Variants in SH3BP5L observed in about 807,000 individuals in gnomAD.
SH3BP5L encodes SH3 binding domain protein 5 like, also known as SH3 domain-binding protein 5-like.
In SH3BP5L, 16 loss-of-function variants were observed where a neutral mutation model predicts 40.9. The observed-to-expected ratio is 0.39, with a 90% confidence interval of 0.27 to 0.59. SH3BP5L has a LOEUF of 0.59. Among genes scored for constraint, SH3BP5L ranks in the 20% least tolerant of loss-of-function variants. The probability of loss-of-function intolerance (pLI) is 0.53; values close to 1 mark genes in which losing one functional copy is unlikely to be tolerated. For synonymous variants in SH3BP5L, 229 were observed against 226.7 expected (o/e 1.01, Z -0.09); for missense variants, 471 against 544.6 (o/e 0.86, Z 1.35).
chr1:248,819,172 C>T (rs2103016924), intron 2 of SH3BP5L, among the ~76,000 whole-genome samples: 2 of 152,248 alleles, frequency 1.3e-5, no homozygotes, highest in Middle Eastern at 3.4e-3. Context: ...ATGTTAATTA[C>T]AGTAACAGGA....
At position 248,812,144 on chromosome 1, in the gene SH3BP5L, C is replaced by G. The variant is rs746940687; in HGVS notation, c.938G>C (p.Gly313Ala). 1 of 1,600,848 alleles carries G rather than the reference C, an allele frequency of 6.2e-7. No homozygotes were observed. Among genetic ancestry groups the G allele is most frequent in the Non-Finnish European group, 8.5e-7 (1 of 1,173,674 alleles). Residue 313 changes from glycine to alanine, a missense_variant, in exon 7 of 7, where the codon GGT becomes GCT. By Grantham distance (60) the Gly-to-Ala change is moderately conservative. This residue lies in a region of SH3BP5L where 196 missense variants were observed against 174.6 expected (regional missense o/e 1.12). Coordinates refer to ENST00000366472, the MANE Select transcript of SH3BP5L (RefSeq NM_030645.3). This position sits in a 1 kb window ranked among gnomAD's most constrained non-coding sequence, Gnocchi z 6.1. ...GCTGCTGCCCTCCTCCAGCCCCGCACCCTCGGCCCCCTCAATCCCGCTGTC... is the reference window on the plus strand; with the variant it reads ...GCTGCTGCCCTCCTCCAGCCCCGCAGCCTCGGCCCCCTCAATCCCGCTGTC... The part of the protein sequence containing the change: ...DGDSGIEGAE[G>A]AGLEEGSSLG...
intron 2 of SH3BP5L, among the ~76,000 whole-genome samples, chr1:248,817,475 G>C (rs183409480): frequency 1.3e-5 from 2 of 152,298 alleles, no homozygotes; most frequent in East Asian, 3.9e-4. Flanking sequence ...TGGGTAGCAA[G>C]GTCACCTAAT....
chr1:248,810,501 C>A lies in SH3BP5L; in HGVS notation c.*1399G>T. 6.6e-6 allele frequency: 1 copy of A among 152,544 alleles called. No homozygotes were observed. The highest frequency in any genetic ancestry group is 1.5e-5 in the Non-Finnish European group (1 of 68,102). 9.4% of individuals were successfully genotyped at this position (152,544 alleles called of 1,614,324 possible). A position where few individuals can be genotyped will look rare whatever the true frequency, so the allele number is the denominator to read the frequency against. Reference sequence around the variant, plus strand: ...TAAAACCAGGAAAGACCCTTTCCCCCTTACACACCAGCACATGCACACACG... The same window carrying A: ...TAAAACCAGGAAAGACCCTTTCCCCATTACACACCAGCACATGCACACACG... On this transcript the variant is annotated 3_prime_UTR_variant, in exon 7 of 7. Coordinates refer to ENST00000366472, the MANE Select transcript of SH3BP5L (RefSeq NM_030645.3).
chr1:248,815,063 C>G (rs1490430203), intron 4 of SH3BP5L, among the ~76,000 whole-genome samples: 1 of 152,168 alleles, frequency 6.6e-6, no homozygotes, highest in African/African-American at 2.4e-5. Flanking sequence ...AAAAACAAAA[C>G]AAACCTAACT....
intron 2 of SH3BP5L, chr1:248,820,885 T>C (rs942103319): frequency 6.6e-6 from 1 of 152,196 alleles, no homozygotes; most frequent in African/African-American, 2.4e-5. Flanking sequence ...CATCAATGGA[T>C]TGGATGGCTC....
rs1663924789 is a variant in SH3BP5L at position 248,811,600 on chromosome 1, G to GAAAGC, written c.*295_*299dup. ...GATGGAAAGAGAGGGAGCAGAAAGG[G>GAAAGC]AAAGCAAAGGGTCAATGCCCTGCAG... On this transcript the variant is annotated 3_prime_UTR_variant, in exon 7 of 7. Transcript: ENST00000366472. 3 of 404,370 alleles carry GAAAGC rather than the reference G, an allele frequency of 7.4e-6. No individual in the cohort carries two copies. The highest frequency in any genetic ancestry group is 6.2e-5 in the African/African-American group (3 of 48,366). 25.0% of individuals were successfully genotyped at this position (404,370 alleles called of 1,614,324 possible).
intron 2 of SH3BP5L, among the ~76,000 whole-genome samples, chr1:248,823,380 C>T (rs898384647): frequency 6.7e-6 from 1 of 149,560 alleles, no homozygotes; most frequent in Admixed American, 6.6e-5. Context: ...GCTCACTTTA[C>T]AGATGAAGAA....
chr1:248,822,749 G>A (rs998854381), intron 2 of SH3BP5L, among the ~76,000 whole-genome samples: 22 of 149,706 alleles, frequency 1.5e-4, no homozygotes, highest in African/African-American at 2.5e-4. Flanking sequence ...TGCAACCTCC[G>A]CCTCCTGGGT....
At chr1:248,823,603 C>T (rs1664305094) in intron 2 of SH3BP5L, among the ~76,000 whole-genome samples, 1 of 152,174 alleles carries the variant, frequency 6.6e-6, no homozygotes, top group South Asian at 2.1e-4. Context: ...ACAAATGGCT[C>T]ACCACTGCTC....
At chr1:248,818,012 T>C (rs1477934526) in intron 2 of SH3BP5L, among the ~76,000 whole-genome samples, 1 of 152,126 alleles carries the variant, frequency 6.6e-6, no homozygotes, top group African/African-American at 2.4e-5. Flanking sequence ...TCTCAGAGCC[T>C]GGTGCCAATG....
At chr1:248,814,077 T>C (rs940591588) in intron 5 of SH3BP5L, 1 of 240,180 alleles carries the variant, frequency 4.2e-6, no homozygotes, top group Non-Finnish European at 8.3e-6. Flanking sequence ...CGAGGTGTAC[T>C]GTCAGAGCTC....
chr1:248,814,689 TAAG>T, intron 4 of SH3BP5L, 79 bp from the exon 5 acceptor site: 1 of 1,478,624 alleles, frequency 6.8e-7, no homozygotes, highest in Non-Finnish European at 9.4e-7. Flanking sequence ...GACGTGAGGA[TAAG>T]AGAAGGAGGA....
Position 248,821,948 on chromosome 1 carries a change from A to C in SH3BP5L, c.183+2805T>G, listed in dbSNP as rs1664263443. Among the ~76,000 whole-genome samples, 1 of 152,170 alleles carries C rather than the reference A, an allele frequency of 6.6e-6. No individual in the cohort carries two copies. Among genetic ancestry groups the C allele is most frequent in the Non-Finnish European group, 1.5e-5 (1 of 68,014 alleles). On this transcript the variant is annotated intron_variant, in intron 2 of 6. Coordinates refer to ENST00000366472, the MANE Select transcript of SH3BP5L (RefSeq NM_030645.3). This position sits in a 1 kb window ranked among gnomAD's most constrained non-coding sequence, Gnocchi z 4.6. Reference sequence around the variant, plus strand: ...TTTCCGGGAGCCTCAGAAAATACCGAAACAGGCGCTCTACCTTTGGGATAT... The same window carrying C: ...TTTCCGGGAGCCTCAGAAAATACCGCAACAGGCGCTCTACCTTTGGGATAT...
rs945096523 is a variant in SH3BP5L, at chr1:248,825,142, T to C, written c.-207A>G. The C allele has an allele frequency of 8.1e-6, 11 of 1,358,654 alleles. No homozygotes were observed. Among genetic ancestry groups the C allele is most frequent in the Non-Finnish European group, 1.0e-5 (11 of 1,058,838 alleles). The allele number at this position is 1,358,654 out of a possible 1,614,324, so 84.2% of individuals were successfully genotyped here. A position where few individuals can be genotyped will look rare whatever the true frequency, so the allele number is the denominator to read the frequency against. ...AGTGGGGTTCCTAGAGCTGAAGCCT[T>C]GTCTGTGCAAAAGTTCTTCCCTTCC... On this transcript the variant is annotated 5_prime_UTR_variant, in exon 2 of 7. Coordinates refer to ENST00000366472, the MANE Select transcript of SH3BP5L (RefSeq NM_030645.3).
intron 5 of SH3BP5L, 69 bp downstream of exon 5, chr1:248,814,380 G>A (rs1664040354): frequency 6.6e-7 from 1 of 1,513,754 alleles, no homozygotes; most frequent in African/African-American, 1.4e-5. Context: ...GAGGAGGTGA[G>A]GTGATAAAGA....
chr1:248,813,450 C>T (rs1231092320), intron 5 of SH3BP5L: 2 of 361,184 alleles, frequency 5.5e-6, no homozygotes, highest in South Asian at 2.6e-4. Context: ...GTGTCACCTG[C>T]ACCACTGGCT....
Position 248,812,227 on chromosome 1 carries a change from G to A in SH3BP5L, c.855C>T (p.Gly285=). The A allele has an allele frequency of 3.1e-6, 5 of 1,608,756 alleles. No homozygotes were observed. Among genetic ancestry groups the A allele is most frequent in the Non-Finnish European group, 4.2e-6 (5 of 1,178,602 alleles). The change falls in exon 7 of 7, where the codon GGC becomes GGT. Residue 285 remains glycine (G), a synonymous_variant. Coordinates refer to ENST00000366472, the MANE Select transcript of SH3BP5L (RefSeq NM_030645.3). The surrounding 1 kb of genome is among the most constrained non-coding windows in gnomAD (Gnocchi z 6.1). ...RRGGLPPHPL[G]PRRSSPVGAE... is the part of the protein sequence containing the mutation. ...CCCCCACGGGGGAGGAGCGCCGAGG[G>A]CCCAGGGGGTGGGGAGGCAGACCCC...
rs1453609681 is a variant in SH3BP5L, at chr1:248,812,978, C to T, written c.711+11G>A. Reference sequence around the variant, plus strand: ...CTACCCATTCCTCCTCCCCCTCACCCACTCAGCTACCTCCAGGATCTGGCT... The same window carrying T: ...CTACCCATTCCTCCTCCCCCTCACCTACTCAGCTACCTCCAGGATCTGGCT... On this transcript the variant is annotated intron_variant, in intron 6 of 6. Coordinates refer to ENST00000366472, the MANE Select transcript of SH3BP5L (RefSeq NM_030645.3). The surrounding 1 kb of genome is among the most constrained non-coding windows in gnomAD (Gnocchi z 6.1). The T allele has an allele frequency of 6.4e-7, 1 of 1,565,566 alleles. No individual in the cohort carries two copies. The highest frequency in any genetic ancestry group is 8.7e-7 in the Non-Finnish European group (1 of 1,149,266).
At chr1:248,825,788 C>T (rs1572188728) in intron 1 of SH3BP5L, 47 bp downstream of exon 1, 2 of 714,072 alleles carry the variant, frequency 2.8e-6, no homozygotes, top group Non-Finnish European at 3.4e-6. Flanking sequence ...ACCCTACTCC[C>T]GTCCATTCTA....
Sources: allele counts gnomAD v4.1 joint callset (sites outside exome capture counted in the v4.1 genomes callset), GRCh38; gene constraint gnomAD v4.1.1; regional missense constraint gnomAD v4.1.1; non-coding constraint Gnocchi (gnomAD v3.1); transcripts MANE v1.5; gene names NCBI Gene and HGNC (gene_info 2026-07-23, HGNC 2026-07-21).